FAT3: variants seen among roughly 807,000 people sequenced by gnomAD.
FAT3 encodes the protein protocadherin Fat 3.
Under a neutral mutation model 310.2 loss-of-function variants are expected in FAT3, and 95 were observed. That is an observed-to-expected ratio of 0.31 (90% CI 0.26 to 0.36). The LOEUF is 0.36. FAT3 is among the 10% of genes least tolerant of loss of function. FAT3 has a pLI of 1.00. For synonymous variants in FAT3, 2,314 were observed against 2,192.9 expected (o/e 1.06, Z -1.54); for missense variants, 5,408 against 5,715.6 (o/e 0.95, Z 1.74).
chr11:92,236,602 A>G (rs1864429631), intron 1 of FAT3, among the ~76,000 whole-genome samples: 1 of 152,210 alleles, frequency 6.6e-6, no homozygotes, highest in Non-Finnish European at 1.5e-5. Context: ...CATTAACACC[A>G]AATCCACAGG....
At chr11:92,448,684 C>A (rs1389715146) in intron 2 of FAT3, among the ~76,000 whole-genome samples, 2 of 152,094 alleles carry the variant, frequency 1.3e-5, no homozygotes, top group Non-Finnish European at 2.9e-5. Context: ...CTGGACTCCC[C>A]CACAGCCTTC....
At position 92,844,465 on chromosome 11, in the gene FAT3, G is replaced by A. The variant is rs760762882; in HGVS notation, c.11098G>A (p.Asp3700Asn). 37 of 1,613,848 alleles carry A rather than the reference G, an allele frequency of 2.3e-5. No homozygotes were observed. Residue 3700 changes from aspartate (D) to asparagine (N), a missense_variant, in exon 19 of 28, where the codon GAC becomes AAC. Transcript: ENST00000525166. The part of the protein sequence containing the change: ...IQPVAGTNQL[D>N]MLFAVEMHSS... ...GCCCGTGGCAGGCACCAACCAACTG[G>A]ACATGCTGTTTGCGGTGGAGATGCA...
chr11:92,740,564 G>T (rs1045666040), intron 4 of FAT3, among the ~76,000 whole-genome samples: 1 of 152,132 alleles, frequency 6.6e-6, no homozygotes, highest in Non-Finnish European at 1.5e-5. Flanking sequence ...ACTGGGAGTG[G>T]AGTGGAAGTT....
At chr11:92,793,425 T>C (rs7928175) in intron 9 of FAT3, among the ~76,000 whole-genome samples, 123,782 of 152,050 alleles carry the variant, frequency 0.81, 50,614 homozygotes, top group Non-Finnish European at 0.85. Context: ...TTCACCCTCA[T>C]AGTTAGCACA....
rs1405757059 is a variant in FAT3, at chr11:92,777,441, C to T, written c.4335+3261C>T. 3.3e-5 allele frequency among the ~76,000 whole-genome samples: 5 copies of T among 152,036 alleles called. 1 individual carries two copies. The South Asian group carries it at 6.2e-4, about 19-fold the overall frequency. ...CACATCCTTTTCTTTCCTGAGATTC[C>T]TTAGGGTGAGCACAAAACATAAGAA... On this transcript the variant is annotated intron_variant, in intron 7 of 27. Transcript: ENST00000525166.
intron 1 of FAT3, among the ~76,000 whole-genome samples, chr11:92,344,876 C>A (rs148685739): frequency 2.0e-5 from 3 of 152,170 alleles, no homozygotes; most frequent in Admixed American, 6.5e-5. Context: ...TGGGGGAGGG[C>A]ACTATATCTA....
At chr11:92,872,727 A>G (rs1160623594) in intron 22 of FAT3, among the ~76,000 whole-genome samples, 2 of 152,218 alleles carry the variant, frequency 1.3e-5, no homozygotes, top group African/African-American at 4.8e-5. Flanking sequence ...CCCAATATAC[A>G]ATATATAAAA....
In FAT3 at chr11:92,749,971, T is replaced by C. The variant is rs116196020; in HGVS notation, c.3670-11885T>C. 8.4e-3 allele frequency among the ~76,000 whole-genome samples: 1,286 copies of C among 152,258 alleles called. 15 individuals carry two copies. The highest frequency in any genetic ancestry group is 0.029 in the African/African-American group (1,219 of 41,542). On this transcript the variant is annotated intron_variant, in intron 4 of 27. Transcript: ENST00000525166. ...AGGATACATACAGAAAATGATAATATTTGTATAATATCTTTAGGTAAAGGG... is the reference window on the plus strand; with the variant it reads ...AGGATACATACAGAAAATGATAATACTTGTATAATATCTTTAGGTAAAGGG...
At chr11:92,367,636 AAAC>A (rs1470195545) in intron 2 of FAT3, among the ~76,000 whole-genome samples, 2 of 152,088 alleles carry the variant, frequency 1.3e-5, no homozygotes, top group African/African-American at 4.8e-5. Flanking sequence ...GCCTCCAAAA[AAAC>A]AACAACAAAA....
At chr11:92,646,209 C>T (rs189225862) in intron 3 of FAT3, among the ~76,000 whole-genome samples, 5 of 152,296 alleles carry the variant, frequency 3.3e-5, no homozygotes, top group African/African-American at 9.6e-5. Flanking sequence ...CCCAGGACAG[C>T]TTCAGCATAG....
intron 3 of FAT3, among the ~76,000 whole-genome samples, chr11:92,582,458 A>G (rs1376571878): frequency 2.6e-5 from 4 of 151,970 alleles, no homozygotes; most frequent in Non-Finnish European, 5.9e-5. Context: ...ATTTTTGTGT[A>G]TCTGATATTC....
At chr11:92,689,223 T>A (rs1278490100) in intron 3 of FAT3, among the ~76,000 whole-genome samples, 1 of 152,182 alleles carries the variant, frequency 6.6e-6, no homozygotes, top group Non-Finnish European at 1.5e-5. Flanking sequence ...CTAGCCAGTA[T>A]ACTACAATGC....
intron 2 of FAT3, among the ~76,000 whole-genome samples, chr11:92,433,307 G>A (rs567331139): frequency 1.3e-5 from 2 of 152,158 alleles, no homozygotes; most frequent in Non-Finnish European, 2.9e-5. Flanking sequence ...CTGCTAACTC[G>A]GTGTCTGCCC....
At chr11:92,653,430 A>G (rs1027249331) in intron 3 of FAT3, among the ~76,000 whole-genome samples, 1 of 152,128 alleles carries the variant, frequency 6.6e-6, no homozygotes, top group African/African-American at 2.4e-5. Context: ...CTCGAAGCTG[A>G]TAGATAAGCT....
rs138820145 is a variant in FAT3 at position 92,725,495 on chromosome 11, G to C, written c.3669+28050G>C. Among the ~76,000 whole-genome samples the C allele has an allele frequency of 5.5e-3, 839 of 151,912 alleles. 5 individuals are homozygous for C. The highest frequency in any genetic ancestry group is 7.9e-3 in the Non-Finnish European group (537 of 67,978). ...TAGGCATCCGCTTTCTATAAACACA[G>C]CTCCCAGCATGATGGTGTCAATTAA... On this transcript the variant is annotated intron_variant, in intron 4 of 27. Transcript: ENST00000525166.
At chr11:92,537,099 A>G (rs1417450974) in intron 3 of FAT3, among the ~76,000 whole-genome samples, 1 of 152,174 alleles carries the variant, frequency 6.6e-6, no homozygotes, top group Non-Finnish European at 1.5e-5. Context: ...TCATTAATCA[A>G]TTATAATGGC....
intron 3 of FAT3, among the ~76,000 whole-genome samples, chr11:92,598,665 T>G (rs1939847896): frequency 6.6e-6 from 1 of 152,162 alleles, no homozygotes; most frequent in Admixed American, 6.6e-5. Context: ...GCAGGAACAA[T>G]GGAAGCCTGA....
chr11:92,648,922 C>T (rs962630659), intron 3 of FAT3, among the ~76,000 whole-genome samples: 2 of 152,174 alleles, frequency 1.3e-5, no homozygotes, highest in African/African-American at 2.4e-5. Flanking sequence ...TTACTTCCTC[C>T]AGAACTGAAC....
chr11:92,836,235 A>G (rs1028911877), intron 15 of FAT3, among the ~76,000 whole-genome samples: 1 of 152,190 alleles, frequency 6.6e-6, no homozygotes, highest in African/African-American at 2.4e-5. Flanking sequence ...TACTTGCAGG[A>G]TTGGGAAGAA....
Sources: gnomAD v4.1 joint callset for allele counts (sites outside exome capture counted in the v4.1 genomes callset) on GRCh38, gnomAD v4.1.1 for gene constraint, MANE v1.5 for transcripts, NCBI Gene and HGNC (gene_info 2026-07-23, HGNC 2026-07-21) for gene names.